Variants in HDGFL3 observed in about 807,000 individuals in gnomAD.
HDGFL3 encodes the protein hepatoma-derived growth factor-related protein 3.
HDGFL3 carries 6 observed loss-of-function variants against 27.6 expected under a neutral mutation model. That is an observed-to-expected ratio of 0.22 (90% CI 0.12 to 0.43). HDGFL3 has a LOEUF of 0.43. Among genes scored for constraint, HDGFL3 ranks in the 20% least tolerant of loss-of-function variants. HDGFL3 has a pLI of 1.00. For synonymous variants in HDGFL3, 88 were observed against 88.9 expected (o/e 0.99, Z 0.05); for missense variants, 207 against 250.1 (o/e 0.83, Z 1.16).
chr15:83,122,424 T>C (rs953519518), intron 3 of HDGFL3, among the ~76,000 whole-genome samples: 7 of 152,116 alleles, frequency 4.6e-5, no homozygotes, highest in Non-Finnish European at 1.0e-4. Context: ...GATATAGATA[T>C]AGGGAGATAG....
intron 1 of HDGFL3, among the ~76,000 whole-genome samples, chr15:83,175,676 G>A (rs369543588): frequency 2.0e-5 from 3 of 152,102 alleles, no homozygotes; most frequent in African/African-American, 4.8e-5. Context: ...TGGCTAACAC[G>A]GTGAAACCCT....
At chr15:83,193,391 C>T (rs1460148833) in intron 1 of HDGFL3, among the ~76,000 whole-genome samples, 1 of 152,178 alleles carries the variant, frequency 6.6e-6, no homozygotes, top group Non-Finnish European at 1.5e-5. Flanking sequence ...TACCACCTCA[C>T]ACCCATTAGG....
At chr15:83,194,090 G>A (rs1194992534) in intron 1 of HDGFL3, among the ~76,000 whole-genome samples, 1 of 152,188 alleles carries the variant, frequency 6.6e-6, no homozygotes, top group Non-Finnish European at 1.5e-5. Flanking sequence ...AGAACAGAAT[G>A]TAGGGTCTTT....
rs560705611 is a variant in HDGFL3 at position 83,163,778 on chromosome 15, C to G, written c.161+221G>C. The G allele has an allele frequency of 9.3e-5, 47 of 507,434 alleles. No homozygotes were observed. In the South Asian group the frequency reaches 1.1e-3, roughly 12 times the overall value. The allele number at this position is 507,434 out of a possible 1,614,324, so 31.4% of individuals were successfully genotyped here. A position where few individuals can be genotyped will look rare whatever the true frequency, so the allele number is the denominator to read the frequency against. ...TTGTGGGTGATGACCAACATTTAAGCAGAAACACAAATGACATTCAAAAGC... is the reference window on the plus strand; with the variant it reads ...TTGTGGGTGATGACCAACATTTAAGGAGAAACACAAATGACATTCAAAAGC... On this transcript the variant is annotated intron_variant, in intron 2 of 5. Coordinates refer to ENST00000299633, the MANE Select transcript of HDGFL3 (RefSeq NM_016073.4).
In HDGFL3 at chr15:83,207,782, G is replaced by C. The variant is rs1375445980; in HGVS notation, c.-368C>G. The C allele has an allele frequency of 2.7e-5, 4 of 150,470 alleles. No individual in the cohort carries two copies. The highest frequency in any genetic ancestry group is 2.7e-4 in the Admixed American group (4 of 15,094). 9.3% of individuals were successfully genotyped at this position (150,470 alleles called of 1,614,324 possible). On this transcript the variant is annotated 5_prime_UTR_variant, in exon 1 of 6. Coordinates refer to ENST00000299633, the MANE Select transcript of HDGFL3 (RefSeq NM_016073.4). The surrounding 1 kb of genome is among the most constrained non-coding windows in gnomAD (Gnocchi z 4.8). ...GTCTCCCTCCCGGGCTCCCGGGCGC[G>C]GCGCGAGCGCCGGGCCTCGCGTCTG...
intron 3 of HDGFL3, among the ~76,000 whole-genome samples, chr15:83,119,147 A>G (rs1286731746): frequency 2.0e-5 from 3 of 152,182 alleles, no homozygotes; most frequent in Admixed American, 2.0e-4. Flanking sequence ...CAGCCCAGCA[A>G]GCCACGGGAT....
chr15:83,194,633 C>T (rs188184454), intron 1 of HDGFL3, among the ~76,000 whole-genome samples: 22 of 152,116 alleles, frequency 1.4e-4, no homozygotes, highest in Non-Finnish European at 2.6e-4. Context: ...CTGGTTTTCA[C>T]CTTTTCTTTA....
chr15:83,197,948 C>G (rs1462056091), intron 1 of HDGFL3, among the ~76,000 whole-genome samples: 1 of 142,250 alleles, frequency 7.0e-6, no homozygotes, highest in East Asian at 2.3e-4. Flanking sequence ...GGCAGGAGAA[C>G]CTGGGGGCGG....
intron 4 of HDGFL3, 106 bp from the exon 5 acceptor site, chr15:83,151,467 G>T (rs2036962797): frequency 3.3e-6 from 3 of 909,750 alleles, no homozygotes; most frequent in Non-Finnish European, 4.9e-6. Flanking sequence ...TTTAGTGGTT[G>T]ATAGAGGATA....
At chr15:83,156,724 C>T (rs376725735) in intron 4 of HDGFL3, among the ~76,000 whole-genome samples, 1 of 151,760 alleles carries the variant, frequency 6.6e-6, no homozygotes, top group Non-Finnish European at 1.5e-5. Context: ...GATGGAGTCT[C>T]GCTCTGTCAC....
intron 2 of HDGFL3, among the ~76,000 whole-genome samples, chr15:83,159,208 A>C (rs977774868): frequency 1.3e-5 from 2 of 152,366 alleles, no homozygotes; most frequent in South Asian, 4.1e-4. Flanking sequence ...ATTAGAAGTG[A>C]CAAAGCAGAT....
Position 83,143,580 on chromosome 15 carries a change from TCAAA to T in HDGFL3, c.607-4309_607-4306del, listed in dbSNP as rs570022171. ...CTGGGCGACAGAGCGAAACTCCATC[TCAAA>T]CAAACAAACTTTTAATGGTATTAAG... On this transcript the variant is annotated intron_variant, in intron 5 of 5. Coordinates refer to ENST00000299633, the MANE Select transcript of HDGFL3 (RefSeq NM_016073.4). Among the ~76,000 whole-genome samples the T allele has an allele frequency of 1.4e-3, 216 of 152,222 alleles. 1 individual carries two copies. Among genetic ancestry groups the T allele is most frequent in the African/African-American group, 4.8e-3 (200 of 41,556 alleles).
At chr15:83,168,089 A>G (rs902068185) in intron 1 of HDGFL3, among the ~76,000 whole-genome samples, 1 of 152,226 alleles carries the variant, frequency 6.6e-6, no homozygotes, top group Non-Finnish European at 1.5e-5. Context: ...AGGCAGAAAT[A>G]AAATAATTCT....
At chr15:83,179,652 T>C (rs1391827822) in intron 1 of HDGFL3, 4 of 152,276 alleles carry the variant, frequency 2.6e-5, no homozygotes, top group African/African-American at 7.2e-5. Context: ...TCATCAGAGA[T>C]ACTTCCTTTA....
intron 1 of HDGFL3, among the ~76,000 whole-genome samples, chr15:83,185,701 T>C (rs536855623): frequency 6.6e-6 from 1 of 152,294 alleles, no homozygotes; most frequent in East Asian, 1.9e-4. Flanking sequence ...CCAGGAACAC[T>C]GGTGATGGAG....
chr15:83,189,230 G>A (rs1181294359), intron 1 of HDGFL3: 1 of 151,004 alleles, frequency 6.6e-6, no homozygotes, highest in African/African-American at 2.4e-5. Context: ...CAATTCTTCA[G>A]TCCCTGAATA....
chr15:83,150,912 G>A (rs8027577), intron 5 of HDGFL3, among the ~76,000 whole-genome samples: 38,146 of 151,942 alleles, frequency 0.25, 5,150 homozygotes, highest in African/African-American at 0.35. Context: ...TTGAATTTTG[G>A]GGTGGCATTT....
intron 5 of HDGFL3, among the ~76,000 whole-genome samples, chr15:83,141,356 G>C (rs1253762279): frequency 2.0e-5 from 3 of 152,180 alleles, no homozygotes; most frequent in Non-Finnish European, 4.4e-5. Context: ...ACTGTAAGCA[G>C]AAGCTATGAA....
intron 1 of HDGFL3, among the ~76,000 whole-genome samples, chr15:83,187,235 C>G (rs1484318570): frequency 2.0e-5 from 3 of 151,922 alleles, no homozygotes. Context: ...AATCTTCCCC[C>G]AGACTTACTC....
Sources: gnomAD v4.1 joint callset for allele counts (sites outside exome capture counted in the v4.1 genomes callset) on GRCh38, gnomAD v4.1.1 for gene constraint, Gnocchi (gnomAD v3.1) non-coding constraint, MANE v1.5 for transcripts, NCBI Gene and HGNC (gene_info 2026-07-23, HGNC 2026-07-21) for gene names.